The following NAP1L4 variants were observed in gnomAD, a reference collection of about 807,000 sequenced individuals.
NAP1L4 encodes the protein nucleosome assembly protein 1 like 4, also known as nucleosome assembly protein 1-like 4.
In NAP1L4, 15 loss-of-function variants were observed where a neutral mutation model predicts 58.2. The observed-to-expected ratio is 0.26, with a 90% confidence interval of 0.17 to 0.40. NAP1L4 has a LOEUF of 0.40. NAP1L4 is among the 10% of genes least tolerant of loss of function. NAP1L4 has a pLI of 1.00. For synonymous variants in NAP1L4, 171 were observed against 155.6 expected (o/e 1.10, Z -0.74); for missense variants, 384 against 451.1 (o/e 0.85, Z 1.35).
At chr11:2,956,171 A>G (rs902428798) in intron 10 of NAP1L4, among the ~76,000 whole-genome samples, 1 of 152,228 alleles carries the variant, frequency 6.6e-6, no homozygotes, top group Admixed American at 6.5e-5. Context: ...AGGAAAGAGA[A>G]AGTCCTTAAG....
At chr11:2,991,768 AAT>A (rs1372402610) in intron 1 of NAP1L4, 1 of 152,276 alleles carries the variant, frequency 6.6e-6, no homozygotes, top group African/African-American at 2.4e-5. Flanking sequence ...CTAAACATCT[AAT>A]AAAGAAGTCC....
chr11:2,958,718 A>G (rs1846693592), intron 9 of NAP1L4, 174 bp from the exon 10 acceptor site: 2 of 626,272 alleles, frequency 3.2e-6, no homozygotes, highest in Non-Finnish European at 5.5e-6. Flanking sequence ...AAAAAGAGAA[A>G]CAGCCTGGTC....
At chr11:2,965,182 G>T (rs1051604961) in intron 7 of NAP1L4, among the ~76,000 whole-genome samples, 11 of 152,234 alleles carry the variant, frequency 7.2e-5, no homozygotes, top group African/African-American at 2.7e-4. Context: ...GATCGGCTAC[G>T]GCCTTGGCAG....
intron 1 of NAP1L4, among the ~76,000 whole-genome samples, chr11:2,984,287 CA>C (rs200293797): frequency 0.011 from 1,615 of 151,618 alleles, 31 homozygotes; most frequent in African/African-American, 0.036. Flanking sequence ...AACCCTTTAA[CA>C]AAGGCCAGGT....
intron 1 of NAP1L4, among the ~76,000 whole-genome samples, chr11:2,983,537 A>T (rs1242774118): frequency 6.6e-6 from 1 of 152,042 alleles, no homozygotes; most frequent in African/African-American, 2.4e-5. Flanking sequence ...TGTTTAATAC[A>T]ATTTTTGTTA....
intron 3 of NAP1L4, among the ~76,000 whole-genome samples, chr11:2,977,772 T>A (rs556904783): frequency 3.0e-4 from 46 of 152,030 alleles, no homozygotes; most frequent in African/African-American, 9.6e-4. Context: ...TAGTTTTTTT[T>A]AATGGTGGAA....
At chr11:2,964,585 G>T in intron 8 of NAP1L4, 95 bp downstream of exon 8, 1 of 985,056 alleles carries the variant, frequency 1.0e-6, no homozygotes, top group Non-Finnish European at 1.6e-6. Context: ...GGCTGGGTGT[G>T]GGTTTTGTGG....
chr11:2,984,508 T>G (rs1199457756), intron 1 of NAP1L4, among the ~76,000 whole-genome samples: 2 of 151,854 alleles, frequency 1.3e-5, no homozygotes, highest in Admixed American at 1.3e-4. Context: ...GAGGCGGAAG[T>G]TGCAGTGAGC....
chr11:2,970,869 C>A (rs1348607822), intron 6 of NAP1L4, among the ~76,000 whole-genome samples: 1 of 135,762 alleles, frequency 7.4e-6, no homozygotes, highest in Non-Finnish European at 1.6e-5. Context: ...AAAAAAAAAA[C>A]TGCAAAAAGT....
intron 8 of NAP1L4, among the ~76,000 whole-genome samples, chr11:2,962,864 G>T (rs1232773496): frequency 6.6e-6 from 1 of 152,076 alleles, no homozygotes; most frequent in Non-Finnish European, 1.5e-5. Context: ...CACTTTGGAA[G>T]GCTGAGGCGG....
Position 2,954,507 on chromosome 11 carries a change from C to A in NAP1L4, c.1035+20G>T. On this transcript the variant is annotated intron_variant, in intron 12 of 15. Coordinates refer to ENST00000380542, the MANE Select transcript of NAP1L4 (RefSeq NM_005969.4). This position sits in a 1 kb window ranked among gnomAD's most constrained non-coding sequence, Gnocchi z 4.8. ...GAGATAAGCACCCAGGTGGAAGCCC[C>A]CCTTCCCCGAGCCTCATACATTGTC... 1 of 1,613,314 alleles carries A rather than the reference C, an allele frequency of 6.2e-7. No individual in the cohort carries two copies. Among genetic ancestry groups the A allele is most frequent in the Non-Finnish European group, 8.5e-7 (1 of 1,179,320 alleles).
chr11:2,954,509 C>A lies in NAP1L4; in HGVS notation c.1035+18G>T. 1 of 1,613,396 alleles carries A rather than the reference C, an allele frequency of 6.2e-7. No homozygotes were observed. The highest frequency in any genetic ancestry group is 8.5e-7 in the Non-Finnish European group (1 of 1,179,368). ...GATAAGCACCCAGGTGGAAGCCCCCCTTCCCCGAGCCTCATACATTGTCAT... is the reference window on the plus strand; with the variant it reads ...GATAAGCACCCAGGTGGAAGCCCCCATTCCCCGAGCCTCATACATTGTCAT... On this transcript the variant is annotated intron_variant, in intron 12 of 15. Coordinates refer to ENST00000380542, the MANE Select transcript of NAP1L4 (RefSeq NM_005969.4). The surrounding 1 kb of genome is among the most constrained non-coding windows in gnomAD (Gnocchi z 4.8).
intron 1 of NAP1L4, among the ~76,000 whole-genome samples, chr11:2,985,319 T>C (rs1418832950): frequency 6.6e-6 from 1 of 152,230 alleles, no homozygotes; most frequent in Non-Finnish European, 1.5e-5. Flanking sequence ...CAAATTATTT[T>C]TGTTTATCAA....
intron 1 of NAP1L4, chr11:2,990,324 T>C (rs921318461): frequency 6.6e-6 from 1 of 152,246 alleles, no homozygotes; most frequent in Non-Finnish European, 1.5e-5. Context: ...CTAAGTAAAC[T>C]TGTGAACTAC....
intron 8 of NAP1L4, chr11:2,960,127 G>A (rs918390877): frequency 2.0e-6 from 1 of 492,648 alleles, no homozygotes; most frequent in African/African-American, 1.9e-5. Context: ...ATGAGTAAGG[G>A]GCATGTTCCC....
Position 2,955,730 on chromosome 11 carries a change from A to G in NAP1L4, c.915+14T>C, listed in dbSNP as rs769565318. On this transcript the variant is annotated intron_variant, in intron 11 of 15. Transcript: ENST00000380542. The surrounding 1 kb of genome is among the most constrained non-coding windows in gnomAD (Gnocchi z 4.2). Reference sequence around the variant, plus strand: ...CTTCAACAGGAAAATAAGACTATTAACAACAAATCTTACCAGTGATTCTCC... The same window carrying G: ...CTTCAACAGGAAAATAAGACTATTAGCAACAAATCTTACCAGTGATTCTCC... 3.1e-6 allele frequency: 5 copies of G among 1,610,528 alleles called. No homozygotes were observed. The highest frequency in any genetic ancestry group is 4.2e-6 in the Non-Finnish European group (5 of 1,177,616).
At chr11:2,988,786 A>C (rs1848795676) in intron 1 of NAP1L4, among the ~76,000 whole-genome samples, 1 of 152,240 alleles carries the variant, frequency 6.6e-6, no homozygotes, top group Non-Finnish European at 1.5e-5. Context: ...TAAGAAACTT[A>C]AGGTTACACA....
In NAP1L4 at chr11:2,948,363, G is replaced by A. The variant is rs1056535208; in HGVS notation, c.*32+864C>T. Reference sequence around the variant, plus strand: ...CTGTGACGAGACCCTTAAAAACGGAGTGCCTACTTATCCTGGCATGCAGAG... The same window carrying A: ...CTGTGACGAGACCCTTAAAAACGGAATGCCTACTTATCCTGGCATGCAGAG... On this transcript the variant is annotated intron_variant, in intron 15 of 15. Transcript: ENST00000380542. The surrounding 1 kb of genome is among the most constrained non-coding windows in gnomAD (Gnocchi z 5.1). 6.6e-6 allele frequency among the ~76,000 whole-genome samples: 1 copy of A among 152,186 alleles called. No homozygotes were observed. Among genetic ancestry groups the A allele is most frequent in the Non-Finnish European group, 1.5e-5 (1 of 68,038 alleles).
At chr11:2,982,342 AC>A (rs946456436) in intron 1 of NAP1L4, among the ~76,000 whole-genome samples, 1 of 152,172 alleles carries the variant, frequency 6.6e-6, no homozygotes, top group Non-Finnish European at 1.5e-5. Flanking sequence ...CACCTTCCTT[AC>A]CCCACACATA....
Sources: gnomAD v4.1 joint callset for allele counts (sites outside exome capture counted in the v4.1 genomes callset) on GRCh38, gnomAD v4.1.1 for gene constraint, Gnocchi (gnomAD v3.1) non-coding constraint, MANE v1.5 for transcripts, NCBI Gene and HGNC (gene_info 2026-07-23, HGNC 2026-07-21) for gene names.